SIRT5: variants seen among roughly 807,000 people sequenced by gnomAD.
SIRT5 encodes sirtuin 5.
Under a neutral mutation model 40.0 loss-of-function variants are expected in SIRT5, and 26 were observed. The ratio of observed to expected loss-of-function variants is 0.65; its 90% confidence interval spans 0.48 to 0.90. The LOEUF (loss-of-function observed/expected upper bound fraction) is 0.90, where lower values mean the gene tolerates loss of function less well. SIRT5 is among the 40% of genes least tolerant of loss of function. SIRT5 has a pLI of 0.00. For missense variants in SIRT5, 401 were observed against 402.4 expected, an observed-to-expected ratio of 1.00 and a Z score of 0.03; for synonymous variants, 146 against 149.1, an observed-to-expected ratio of 0.98 and a Z score of 0.15.
At chr6:13,605,441 T>C (rs1014437004) in intron 9 of SIRT5, 2 of 985,454 alleles carry the variant, frequency 2.0e-6, no homozygotes, top group Non-Finnish European at 2.4e-6. Flanking sequence ...TCTGCTACTT[T>C]TAACCTGATT....
At chr6:13,580,336 C>T (rs1268303173) in intron 2 of SIRT5, among the ~76,000 whole-genome samples, 4 of 152,236 alleles carry the variant, frequency 2.6e-5, no homozygotes, top group East Asian at 1.9e-4. Context: ...TTACTCCTTA[C>T]GCACTGTAAA....
chr6:13,598,916 A>G, intron 7 of SIRT5, 116 bp from the exon 8 acceptor site: 1 of 1,190,504 alleles, frequency 8.4e-7, no homozygotes, highest in South Asian at 1.5e-5. Context: ...GTAGGGAATA[A>G]GAGGCATCAG....
chr6:13,594,952 A>G (rs1761380841), intron 5 of SIRT5, among the ~76,000 whole-genome samples: 2 of 152,236 alleles, frequency 1.3e-5, no homozygotes, highest in South Asian at 4.1e-4. Context: ...AAAATTTTGT[A>G]AACATATCCC....
chr6:13,611,247 A>G (rs1194110892), intron 9 of SIRT5, among the ~76,000 whole-genome samples: 2 of 141,118 alleles, frequency 1.4e-5, no homozygotes, highest in African/African-American at 5.3e-5. Context: ...ACACACACAC[A>G]TACACACACA....
chr6:13,605,636 T>A, intron 9 of SIRT5: 1 of 985,470 alleles, frequency 1.0e-6, no homozygotes, highest in Non-Finnish European at 1.2e-6. Flanking sequence ...GTTAATTAGT[T>A]CCAGTTTTGG....
chr6:13,613,766 C>T lies in SIRT5; in HGVS notation c.*1901C>T, dbSNP rs1041798252. 1 of 152,162 alleles carries T rather than the reference C, an allele frequency of 6.6e-6. No individual in the cohort carries two copies. The highest frequency in any genetic ancestry group is 1.5e-5 in the Non-Finnish European group (1 of 68,030). The allele number at this position is 152,162 out of a possible 1,614,324, so 9.4% of individuals were successfully genotyped here. On this transcript the variant is annotated 3_prime_UTR_variant, in exon 10 of 10. Transcript: ENST00000606117. ...TAATACCTGTAATAGTCTTATAGTACTTATAAAGCAGTTTTGCACATAAAA... is the reference window on the plus strand; with the variant it reads ...TAATACCTGTAATAGTCTTATAGTATTTATAAAGCAGTTTTGCACATAAAA...
intron 3 of SIRT5, chr6:13,585,172 C>T (rs1367489721): frequency 6.6e-6 from 1 of 151,958 alleles, no homozygotes; most frequent in African/African-American, 2.4e-5. Flanking sequence ...TTGGTTGCAA[C>T]CTGACGAGAA....
intron 1 of SIRT5, among the ~76,000 whole-genome samples, chr6:13,576,286 C>T (rs1758625627): frequency 6.6e-6 from 1 of 152,176 alleles, no homozygotes; most frequent in Admixed American, 6.5e-5. Flanking sequence ...TACCAGGGTT[C>T]CCTTTTCTCC....
At chr6:13,594,719 A>G (rs1465665486) in intron 5 of SIRT5, among the ~76,000 whole-genome samples, 1 of 152,244 alleles carries the variant, frequency 6.6e-6, no homozygotes, top group Admixed American at 6.5e-5. Context: ...TCCCCAAGGA[A>G]GGACTGGTGG....
At chr6:13,579,168 A>G (rs960028211) in intron 1 of SIRT5, among the ~76,000 whole-genome samples, 12 of 152,234 alleles carry the variant, frequency 7.9e-5, no homozygotes, top group African/African-American at 2.9e-4. Context: ...ACATGTTGGC[A>G]CAAAGGATGT....
At chr6:13,575,256 AG>A (rs1053777696) in intron 1 of SIRT5, among the ~76,000 whole-genome samples, 2 of 152,004 alleles carry the variant, frequency 1.3e-5, no homozygotes, top group Non-Finnish European at 2.9e-5. Flanking sequence ...GCAGGGCTGG[AG>A]GGGTAGGAGG....
intron 9 of SIRT5, among the ~76,000 whole-genome samples, chr6:13,609,899 C>A (rs1763609628): frequency 6.6e-6 from 1 of 152,152 alleles, no homozygotes; most frequent in East Asian, 1.9e-4. Flanking sequence ...CAATTGTAAT[C>A]TTCAGTGTTG....
chr6:13,587,001 C>A lies in SIRT5; in HGVS notation c.116-1330C>A, dbSNP rs75413593. On this transcript the variant is annotated intron_variant, in intron 3 of 9. Transcript: ENST00000606117. ...TGTCAGGGGAGGGTTAGCCTCCCCT[C>A]ATTCATTCAGTCCAAGGGTTAGCCT... 7.6e-3 allele frequency among the ~76,000 whole-genome samples: 1,161 copies of A among 152,292 alleles called. 7 individuals carry two copies. The highest frequency in any genetic ancestry group is 0.026 in the African/African-American group (1,078 of 41,562).
chr6:13,608,323 T>TGG, intron 9 of SIRT5, among the ~76,000 whole-genome samples: 1 of 152,234 alleles, frequency 6.6e-6, no homozygotes, highest in African/African-American at 2.4e-5. Flanking sequence ...CAATGGCTTA[T>TGG]GCCTGTAATC....
At chr6:13,578,464 C>T (rs1223320375) in intron 1 of SIRT5, among the ~76,000 whole-genome samples, 18 of 151,704 alleles carry the variant, frequency 1.2e-4, no homozygotes, top group Non-Finnish European at 8.8e-5. Flanking sequence ...ACTAAAAATA[C>T]AAAAAATTAG....
At chr6:13,602,411 A>G (rs1287189321) in intron 9 of SIRT5, among the ~76,000 whole-genome samples, 1 of 151,946 alleles carries the variant, frequency 6.6e-6, no homozygotes, top group East Asian at 1.9e-4. Context: ...GAGGCAGGAG[A>G]ATCGCTTGAA....
At chr6:13,581,842 C>G (rs563869058) in intron 2 of SIRT5, among the ~76,000 whole-genome samples, 1 of 152,250 alleles carries the variant, frequency 6.6e-6, no homozygotes, top group Non-Finnish European at 1.5e-5. Context: ...GAACTGGGAC[C>G]GAAACAGGAA....
At chr6:13,593,782 A>T (rs138350990) in intron 5 of SIRT5, among the ~76,000 whole-genome samples, 1 of 152,194 alleles carries the variant, frequency 6.6e-6, no homozygotes, top group Non-Finnish European at 1.5e-5. Context: ...AAACTTAGAC[A>T]CGTTCTTTAG....
At chr6:13,608,916 G>A (rs141467303) in intron 9 of SIRT5, among the ~76,000 whole-genome samples, 3,048 of 151,936 alleles carry the variant, frequency 0.02, 43 homozygotes, top group Non-Finnish European at 0.032. Flanking sequence ...CTGCCTCCCG[G>A]ATTCAAGCGA....
Sources: gnomAD v4.1 joint callset for allele counts (sites outside exome capture counted in the v4.1 genomes callset) on GRCh38, gnomAD v4.1.1 for gene constraint, MANE v1.5 for transcripts, NCBI Gene and HGNC (gene_info 2026-07-23, HGNC 2026-07-21) for gene names.